Variants in RNF123 observed in about 807,000 individuals in gnomAD.
The protein encoded by RNF123 is ring finger protein 123, also known as E3 ubiquitin-protein ligase RNF123.
Under a neutral mutation model 168.5 loss-of-function variants are expected in RNF123, and 86 were observed. The observed-to-expected ratio is 0.51, with a 90% CI of 0.43 to 0.61. RNF123 has a LOEUF of 0.61. RNF123 is among the 20% of genes least tolerant of loss of function. RNF123 has a pLI of 0.00. For missense variants in RNF123, 1,419 were observed against 1,729.7 expected, an observed-to-expected ratio of 0.82 and a Z score of 3.19; for synonymous variants, 666 against 689.1, an observed-to-expected ratio of 0.97 and a Z score of 0.52.
chr3:49,706,946 C>G (rs373712162), intron 26 of RNF123, 48 bp downstream of exon 26: 1 of 1,532,712 alleles, frequency 6.5e-7, no homozygotes, highest in Non-Finnish European at 9.0e-7. Flanking sequence ...TGTCTGGCCA[C>G]GGGTCTAGCA....
At position 49,701,868 on chromosome 3, in the gene RNF123, G is replaced by A. The variant is rs2108184940; in HGVS notation, c.1453G>A (p.Ala485Thr). The A allele has an allele frequency of 6.4e-7, 1 of 1,568,716 alleles. No individual in the cohort carries two copies. Among genetic ancestry groups the A allele is most frequent in the Non-Finnish European group, 8.6e-7 (1 of 1,157,170 alleles). Residue 485 changes from alanine (A) to threonine (T), a missense_variant, in exon 17 of 39, where the codon GCC becomes ACC. Around this residue, in one of 5 missense-constraint regions of RNF123, gnomAD observed 349 missense variants for 344.9 expected, o/e 1.01. Transcript: ENST00000327697. ...ETAEERLRRR[A>T]YERGCQRLRK... ...CGCAGAGGAGCGGCTGCGGCGGCGA[G>A]CCTACGAACGGGGCTGTCAGCGGCT...
intron 3 of RNF123, among the ~76,000 whole-genome samples, chr3:49,695,015 G>T (rs2054239672): frequency 6.6e-6 from 1 of 152,232 alleles, no homozygotes; most frequent in South Asian, 2.1e-4. Flanking sequence ...GGCACTCAGT[G>T]GTGGCTGTCT....
At chr3:49,714,246 C>T (rs1027761160) in intron 31 of RNF123, 72 bp downstream of exon 31, 3 of 1,345,410 alleles carry the variant, frequency 2.2e-6, no homozygotes, top group Non-Finnish European at 3.2e-6. Flanking sequence ...TGGGTTCTTT[C>T]AGACTCTCCA....
intron 21 of RNF123, 47 bp downstream of exon 21, chr3:49,703,575 G>A (rs2054453285): frequency 6.7e-7 from 1 of 1,499,156 alleles, no homozygotes; most frequent in South Asian, 1.2e-5. Flanking sequence ...GCCAGGTGGG[G>A]GACTGTCCCT....
intron 3 of RNF123, among the ~76,000 whole-genome samples, chr3:49,694,398 T>C (rs561838306): frequency 6.6e-6 from 1 of 152,326 alleles, no homozygotes; most frequent in South Asian, 2.1e-4. Context: ...TTTTCCCCAT[T>C]ATCAATTTAT....
rs577729636 is a variant in RNF123 at position 49,690,541 on chromosome 3, T to G, written c.-36-589T>G. 3.7e-3 allele frequency among the ~76,000 whole-genome samples: 557 copies of G among 152,196 alleles called. 2 individuals carry two copies. Among genetic ancestry groups the G allele is most frequent in the African/African-American group, 0.013 (542 of 41,496 alleles). ...TGCCATGAGGGCTGGGCAAGGGTGG[T>G]GCTTGGATGAGGTGGGAGGCCACAT... On this transcript the variant is annotated intron_variant, in intron 1 of 38. Transcript: ENST00000327697.
At chr3:49,693,287 A>G (rs1237741477) in intron 3 of RNF123, among the ~76,000 whole-genome samples, 1 of 142,786 alleles carries the variant, frequency 7.0e-6, no homozygotes, top group Non-Finnish European at 1.5e-5. Context: ...TGAGCTCGTG[A>G]TCCGCCCACC....
At position 49,698,066 on chromosome 3, in the gene RNF123, G is replaced by A; in HGVS notation, c.412G>A (p.Glu138Lys). The A allele has an allele frequency of 1.2e-6, 2 of 1,614,012 alleles. No homozygotes were observed. Among genetic ancestry groups the A allele is most frequent in the Non-Finnish European group, 8.5e-7 (1 of 1,179,948 alleles). The change falls in exon 7 of 39, where the codon GAG becomes AAG. Residue 138 changes from glutamate to lysine, a missense_variant. Coordinates refer to ENST00000327697, the MANE Select transcript of RNF123 (RefSeq NM_022064.5). ...TCVYKGKWLYEVLISSQGLMQ... is the reference protein window; with the variant it reads ...TCVYKGKWLYKVLISSQGLMQ... ...GCTCTTTCCAGGGAAATGGCTCTAC[G>A]AGGTCCTCATCTCCTCCCAGGGGCT...
chr3:49,695,737 G>A (rs2054254951), intron 3 of RNF123, among the ~76,000 whole-genome samples: 1 of 152,230 alleles, frequency 6.6e-6, no homozygotes, highest in East Asian at 1.9e-4. Flanking sequence ...GGAAGAGCAG[G>A]TGGTGGCACC....
chr3:49,699,394 T>TG lies in RNF123; in HGVS notation c.765-68dup. ...CTGCCCTAGAGCCCAGGCCCCGGGG[T>TG]GGGGGGTGGGCAGTGGAGAGGGAGT... On this transcript the variant is annotated intron_variant, in intron 10 of 38. Coordinates refer to ENST00000327697, the MANE Select transcript of RNF123 (RefSeq NM_022064.5). The surrounding 1 kb of genome is among the most constrained non-coding windows in gnomAD (Gnocchi z 4.8). 1.6e-6 allele frequency: 2 copies of TG among 1,254,962 alleles called. No homozygotes were observed. The highest frequency in any genetic ancestry group is 1.3e-5 in the South Asian group (1 of 74,840). The allele number at this position is 1,254,962 out of a possible 1,614,324, so 77.7% of individuals were successfully genotyped here.
chr3:49,697,024 A>G, intron 3 of RNF123, 119 bp from the exon 4 acceptor site: 1 of 827,172 alleles, frequency 1.2e-6, no homozygotes, highest in South Asian at 1.4e-5. Flanking sequence ...GACTAGGCAC[A>G]GCCCTTTTTC....
chr3:49,700,836 C>A, intron 15 of RNF123, 127 bp downstream of exon 15: 1 of 988,622 alleles, frequency 1.0e-6, no homozygotes, highest in Non-Finnish European at 1.6e-6. Flanking sequence ...AGCTGCCCAA[C>A]GTGGCATTTT....
intron 37 of RNF123, 33 bp downstream of exon 37, chr3:49,720,927 A>T: frequency 6.2e-7 from 1 of 1,611,904 alleles, no homozygotes; most frequent in Non-Finnish European, 8.5e-7. Flanking sequence ...GGTCCATGCC[A>T]CTTGAATATG....
At position 49,703,468 on chromosome 3, in the gene RNF123, G is replaced by T; in HGVS notation, c.1792G>T (p.Asp598Tyr). Residue 598 changes from aspartate (D) to tyrosine (Y), a missense_variant, in exon 21 of 39, where the codon GAC (aspartate) becomes TAC (tyrosine). Asp to Tyr is a radical substitution (Grantham distance 160). Around this residue, in one of 5 missense-constraint regions of RNF123, gnomAD observed 349 missense variants for 344.9 expected, o/e 1.01. Coordinates refer to ENST00000327697, the MANE Select transcript of RNF123 (RefSeq NM_022064.5). ...CCAGGTCTTCTATAATGGCAAGGTG[G>T]ACTACTTTGACCTGCAGCGCCTGGG... The part of the protein sequence containing the change: ...PPQVFYNGKV[D>Y]YFDLQRLGGL... The T allele has an allele frequency of 6.2e-7, 1 of 1,614,056 alleles. No homozygotes were observed. The highest frequency in any genetic ancestry group is 8.5e-7 in the Non-Finnish European group (1 of 1,179,972).
chr3:49,719,037 G>A (rs763477260), intron 35 of RNF123: 4 of 1,613,780 alleles, frequency 2.5e-6, no homozygotes, highest in Non-Finnish European at 3.4e-6. Context: ...GCACCAAGCG[G>A]TTATTGAACA....
intron 28 of RNF123, 34 bp downstream of exon 28, chr3:49,713,621 G>C (rs1312963430): frequency 1.2e-6 from 2 of 1,600,888 alleles, no homozygotes; most frequent in Non-Finnish European, 1.7e-6. Flanking sequence ...CAGGGGGAGG[G>C]GGATGGGATG....
Position 49,698,113 on chromosome 3 carries a change from C to T in RNF123, c.459C>T (p.Thr153=). The T allele has an allele frequency of 6.2e-7, 1 of 1,613,814 alleles. No individual in the cohort carries two copies. The highest frequency in any genetic ancestry group is 8.5e-7 in the Non-Finnish European group (1 of 1,179,902). The change falls in exon 7 of 39, where the codon ACC becomes ACT. Residue 153 remains threonine, a synonymous_variant. Coordinates refer to ENST00000327697, the MANE Select transcript of RNF123 (RefSeq NM_022064.5). ...SQGLMQIGWC[T]ISCRFNQEEG... ...GGCTCATGCAGATCGGCTGGTGCACCATCAGCTGCCGCTTCAACCAGGAGG... is the reference window on the plus strand; with the variant it reads ...GGCTCATGCAGATCGGCTGGTGCACTATCAGCTGCCGCTTCAACCAGGAGG...
Position 49,717,845 on chromosome 3 carries a change from C to T in RNF123, c.3500+1368C>T, listed in dbSNP as rs78079533. 1.6e-3 allele frequency: 2,054 copies of T among 1,255,848 alleles called. 9 individuals are homozygous for T. Among genetic ancestry groups the T allele is most frequent in the Middle Eastern group, 3.3e-3 (12 of 3,588 alleles). 77.8% of individuals were successfully genotyped at this position (1,255,848 alleles called of 1,614,324 possible). The stretch of plus-strand genomic sequence containing the variant: ...GAGGCCCATACAGGAAGCTGGGGGG[C>T]CAGGCACAGTGCTTCCCACCAGTAT... On this transcript the variant is annotated intron_variant, in intron 35 of 38. Coordinates refer to ENST00000327697, the MANE Select transcript of RNF123 (RefSeq NM_022064.5).
intron 15 of RNF123, among the ~76,000 whole-genome samples, chr3:49,701,239 T>C (rs1452952211): frequency 6.6e-6 from 1 of 152,238 alleles, no homozygotes; most frequent in African/African-American, 2.4e-5. Flanking sequence ...TCTCTCCAGC[T>C]TGTCCCACAG....
Sources: gnomAD v4.1 joint callset for allele counts (sites outside exome capture counted in the v4.1 genomes callset) on GRCh38, gnomAD v4.1.1 for gene constraint, gnomAD v4.1.1 regional missense constraint, Gnocchi (gnomAD v3.1) non-coding constraint, MANE v1.5 for transcripts, NCBI Gene and HGNC (gene_info 2026-07-23, HGNC 2026-07-21) for gene names.